TPTE2: variants seen among roughly 807,000 people sequenced by gnomAD.
TPTE2 encodes transmembrane phosphoinositide 3-phosphatase and tensin homolog 2.
Under a neutral mutation model 78.6 loss-of-function variants are expected in TPTE2, and 53 were observed. That is an observed-to-expected ratio of 0.67 (90% CI 0.54 to 0.85). The LOEUF is 0.85. Ranked by LOEUF, TPTE2 falls within the 40% of genes least tolerant of loss-of-function variation. TPTE2 has a pLI of 0.00. For missense variants in TPTE2, 461 were observed against 623.0 expected (o/e 0.74, Z 2.77); for synonymous variants, 175 against 206.2 (o/e 0.85, Z 1.30).
Position 19,436,248 on chromosome 13 carries a change from T to C in TPTE2, c.1094A>G (p.Gln365Arg), listed in dbSNP as rs780568191. 5 of 1,612,634 alleles carry C rather than the reference T, an allele frequency of 3.1e-6. No homozygotes were observed. In the African/African-American group the frequency reaches 6.7e-5, roughly 22 times the overall value. ...TACCTGAGAAGGAGTTTCTACTCCC[T>C]GAAATTTATTGCTGTGGGTTTTATT... Residue 365 changes from glutamine to arginine, a missense_variant, in exon 15 of 20, where the codon CAG (glutamine) becomes CGG (arginine). Gln to Arg is a conservative substitution (Grantham distance 43). Transcript: ENST00000400230.
chr13:19,479,840 G>C (rs1880222455), intron 4 of TPTE2, among the ~76,000 whole-genome samples: 1 of 151,896 alleles, frequency 6.6e-6, no homozygotes. Flanking sequence ...GTGCGTGACT[G>C]TAGTCCCAGC....
chr13:19,456,972 T>C (rs1239953562), intron 10 of TPTE2, among the ~76,000 whole-genome samples: 1 of 152,204 alleles, frequency 6.6e-6, no homozygotes, highest in Non-Finnish European at 1.5e-5. Context: ...TGGACTTAAG[T>C]ATAGACAGTC....
intron 13 of TPTE2, among the ~76,000 whole-genome samples, chr13:19,439,362 G>T (rs1296527920): frequency 2.6e-5 from 4 of 151,424 alleles, no homozygotes; most frequent in South Asian, 4.2e-4. Context: ...AAAGCCAAAA[G>T]ACCCTACCCA....
rs187639990 is a variant in TPTE2 at position 19,482,455 on chromosome 13, G to T, written c.179+33C>A. The T allele has an allele frequency of 4.0e-4, 640 of 1,607,076 alleles. 4 individuals are homozygous for T. The African/African-American group carries it at 8.1e-3, about 20-fold the overall frequency. ...CACTAAAGGTAAGAGATCCATCAAT[G>T]GCTCCCTCCTTTCAAACTTCAAACT... On this transcript the variant is annotated intron_variant, in intron 4 of 19. Coordinates refer to ENST00000400230, the Ensembl canonical transcript of TPTE2.
At chr13:19,436,695 A>G (rs1401980466) in intron 14 of TPTE2, among the ~76,000 whole-genome samples, 5 of 152,174 alleles carry the variant, frequency 3.3e-5, no homozygotes, top group Admixed American at 3.3e-4. Context: ...GATTACAGGC[A>G]TGAGCCACCC....
chr13:19,423,011 G>C (rs755229788), exon 20 of TPTE2: 1 of 1,597,570 alleles, frequency 6.3e-7, no homozygotes, highest in South Asian at 1.1e-5. Context: ...TTTCCCAGAA[G>C]GGGAAGGGGG....
At chr13:19,479,000 G>T (rs1880149112) in intron 4 of TPTE2, among the ~76,000 whole-genome samples, 1 of 152,038 alleles carries the variant, frequency 6.6e-6, no homozygotes, top group Non-Finnish European at 1.5e-5. Context: ...CACACACCGG[G>T]GCCTGTCATG....
chr13:19,479,921 C>T lies in TPTE2; in HGVS notation c.179+2567G>A, dbSNP rs183461947. On this transcript the variant is annotated intron_variant, in intron 4 of 19. Coordinates refer to ENST00000400230, the Ensembl canonical transcript of TPTE2. Reference sequence around the variant, plus strand: ...AAGGTTGCAGTGAGCTGAGTGGTGTCACTGCACTCCAGCCTGGTGACAGAG... The same window carrying T: ...AAGGTTGCAGTGAGCTGAGTGGTGTTACTGCACTCCAGCCTGGTGACAGAG... Among the ~76,000 whole-genome samples, 64 of 149,100 alleles carry T rather than the reference C, an allele frequency of 4.3e-4. 1 individual carries two copies. The highest frequency in any genetic ancestry group is 1.5e-3 in the African/African-American group (59 of 40,314).
intron 13 of TPTE2, among the ~76,000 whole-genome samples, chr13:19,443,763 CA>C (rs1877644437): frequency 6.8e-6 from 1 of 146,904 alleles, no homozygotes; most frequent in African/African-American, 2.6e-5. Context: ...CACACACACA[CA>C]CACACACACA....
At chr13:19,560,054 G>A in the TPTE2 span, 2 of 552,216 alleles carry the variant, frequency 3.6e-6, no homozygotes, top group East Asian at 3.0e-5. Flanking sequence ...AACAGCTTGT[G>A]CATGGGCACC....
At chr13:19,473,914 C>T (rs1593380208) in exon 6 of TPTE2, 2 of 1,593,336 alleles carry the variant, frequency 1.3e-6, no homozygotes, top group Middle Eastern at 4.6e-4. Flanking sequence ...TCAAACTTAC[C>T]CTTCTACAAA....
At chr13:19,474,982 G>A (rs1879843445) in intron 5 of TPTE2, among the ~76,000 whole-genome samples, 1 of 152,026 alleles carries the variant, frequency 6.6e-6, no homozygotes, top group Non-Finnish European at 1.5e-5. Flanking sequence ...TTTTGCAGAT[G>A]GAAGAAAAAC....
At chr13:19,559,705 G>A in the TPTE2 span, among the ~76,000 whole-genome samples, 4,932 of 127,658 alleles carry the variant, frequency 0.039, no homozygotes, top group Non-Finnish European at 0.043. Flanking sequence ...CCTGAGATAG[G>A]CTTCTGCCTC....
the TPTE2 span, among the ~76,000 whole-genome samples, chr13:19,547,885 A>G: frequency 2.0e-5 from 3 of 151,416 alleles, no homozygotes; most frequent in Non-Finnish European, 4.4e-5. Context: ...AAAGAAGAGA[A>G]ATGAGGGGTA....
the TPTE2 span, among the ~76,000 whole-genome samples, chr13:19,551,544 C>A: frequency 6.6e-6 from 1 of 152,062 alleles, no homozygotes; most frequent in Non-Finnish European, 1.5e-5. Context: ...CGAGATCATG[C>A]CACTGCACTC....
chr13:19,514,039 G>C (rs932906388), intron 1 of TPTE2, among the ~76,000 whole-genome samples: 3 of 152,028 alleles, frequency 2.0e-5, no homozygotes, highest in African/African-American at 7.3e-5. Flanking sequence ...CAGATACAGG[G>C]TCTCTTAGCT....
chr13:19,541,593 C>A (rs1871437888), upstream of TPTE2, among the ~76,000 whole-genome samples: 1 of 152,200 alleles, frequency 6.6e-6, no homozygotes, highest in Admixed American at 6.5e-5. Flanking sequence ...GTAAATGCCA[C>A]TTATCAGGTT....
upstream of TPTE2, chr13:19,505,900 A>G (rs1468998365): frequency 2.0e-5 from 3 of 151,840 alleles, no homozygotes; most frequent in African/African-American, 7.3e-5. Flanking sequence ...AGGAAGAAGC[A>G]TCCCTTTCAT....
intron 1 of TPTE2, among the ~76,000 whole-genome samples, chr13:19,494,126 C>T (rs186906692): frequency 9.8e-5 from 15 of 152,342 alleles, no homozygotes; most frequent in African/African-American, 3.6e-4. Context: ...GCCTACTCTG[C>T]TATGTCTGGT....
Sources: allele counts gnomAD v4.1 joint callset (sites outside exome capture counted in the v4.1 genomes callset), GRCh38; gene constraint gnomAD v4.1.1; transcripts MANE v1.5; gene names NCBI Gene and HGNC (gene_info 2026-07-23, HGNC 2026-07-21).